Variants in DNAH5 observed in about 807,000 individuals in gnomAD.
DNAH5 encodes the protein dynein axonemal heavy chain 5.
Under a neutral mutation model 518.2 loss-of-function variants are expected in DNAH5, and 372 were observed. That is an observed-to-expected ratio of 0.72 (90% CI 0.66 to 0.78). The LOEUF is 0.78. Ranked by LOEUF, DNAH5 falls within the 30% of genes least tolerant of loss-of-function variation. The probability of loss-of-function intolerance (pLI) is 0.00; values close to 1 mark genes in which losing one functional copy is unlikely to be tolerated. For missense variants in DNAH5, 5,523 were observed against 5,687.0 expected (o/e 0.97, Z 0.93); for synonymous variants, 2,039 against 2,025.9 (o/e 1.01, Z -0.17).
chr5:13,845,269 A>C (rs755342104), intron 31 of DNAH5, among the ~76,000 whole-genome samples: 4 of 152,070 alleles, frequency 2.6e-5, no homozygotes, highest in Non-Finnish European at 4.4e-5. Context: ...ACAGTCTGGA[A>C]AATCTTGTAT....
In DNAH5 at chr5:13,829,697, C is replaced by G; in HGVS notation, c.6257G>C (p.Gly2086Ala). ...AGGGAGTTCCTGCCGTCCGGCATAG[C>G]CAGGATTCTAAACAGAAAATAAAGC... ...EFGLFLTMNPGYAGRQELPEN... is the reference protein window; with the variant it reads ...EFGLFLTMNPAYAGRQELPEN... The change falls in exon 38 of 79, where the codon GGC becomes GCC. Residue 2086 changes from glycine (G) to alanine (A), a missense_variant. Physicochemically the swap from Gly to Ala is moderately conservative, Grantham distance 60 (BLOSUM62 0). Coordinates refer to ENST00000265104, the MANE Select transcript of DNAH5 (RefSeq NM_001369.3). 6.2e-7 allele frequency: 1 copy of G among 1,613,990 alleles called. No individual in the cohort carries two copies. Among genetic ancestry groups the G allele is most frequent in the Non-Finnish European group, 8.5e-7 (1 of 1,179,882 alleles).
chr5:13,869,748 A>G (rs1769805175), intron 24 of DNAH5, among the ~76,000 whole-genome samples: 1 of 152,252 alleles, frequency 6.6e-6, no homozygotes, highest in South Asian at 2.1e-4. Context: ...TGTTTTATAC[A>G]ATCGTTTTGT....
chr5:13,977,892 CAG>C (rs767127834), intron 1 of DNAH5, among the ~76,000 whole-genome samples: 30 of 152,156 alleles, frequency 2.0e-4, no homozygotes, highest in Non-Finnish European at 3.8e-4. Flanking sequence ...GAGTCTCAAA[CAG>C]GGGAGAATCA....
chr5:13,721,446 C>G (rs941730724), intron 70 of DNAH5, among the ~76,000 whole-genome samples: 3 of 152,004 alleles, frequency 2.0e-5, no homozygotes, highest in African/African-American at 7.3e-5. Context: ...TGTTGCTTAC[C>G]CAGTACAAAA....
intron 1 of DNAH5, among the ~76,000 whole-genome samples, chr5:13,957,187 T>A (rs529015452): frequency 6.6e-6 from 1 of 152,290 alleles, no homozygotes; most frequent in South Asian, 2.1e-4. Flanking sequence ...AAGCACAATA[T>A]GCTAAACAAA....
At chr5:13,978,130 A>G (rs989985082) in intron 1 of DNAH5, among the ~76,000 whole-genome samples, 7 of 152,190 alleles carry the variant, frequency 4.6e-5, no homozygotes, top group African/African-American at 1.7e-4. Context: ...CTGTGGCTTC[A>G]AGCTTGTAAC....
intron 35 of DNAH5, among the ~76,000 whole-genome samples, chr5:13,838,170 T>C (rs904968538): frequency 6.6e-6 from 1 of 152,238 alleles, no homozygotes; most frequent in Non-Finnish European, 1.5e-5. Context: ...TACAATGTAG[T>C]TGATATTACA....
At chr5:13,974,965 T>C (rs1782136717) in intron 1 of DNAH5, among the ~76,000 whole-genome samples, 1 of 151,992 alleles carries the variant, frequency 6.6e-6, no homozygotes, top group South Asian at 2.1e-4. Flanking sequence ...CTGGGGAGTA[T>C]TGATGAGGCA....
intron 30 of DNAH5, among the ~76,000 whole-genome samples, chr5:13,852,279 T>A (rs1766985592): frequency 6.6e-6 from 1 of 152,144 alleles, no homozygotes; most frequent in African/African-American, 2.4e-5. Context: ...GCGATTCTCC[T>A]GCCTCAGCCT....
chr5:13,871,747 C>G lies in DNAH5; in HGVS notation c.3415G>C (p.Asp1139His), dbSNP rs1554085372. The part of the protein sequence containing the change: ...STKKEVITSM[D>H]CFKRYNHIWQ... ...ATGTGATTGTAGCGTTTGAAGCAATCCATGGATGTAATAACTTCCTGAATG... is the reference window on the plus strand; with the variant it reads ...ATGTGATTGTAGCGTTTGAAGCAATGCATGGATGTAATAACTTCCTGAATG... The change falls in exon 23 of 79, where the codon GAT becomes CAT. Residue 1139 changes from aspartate (D) to histidine (H), a missense_variant. Asp to His is a moderately conservative substitution (Grantham distance 81). This residue lies in a region of DNAH5 where 5,121 missense variants were observed against 5,223.3 expected (regional missense o/e 0.98). Transcript: ENST00000265104. 1.2e-6 allele frequency: 2 copies of G among 1,613,542 alleles called. No individual in the cohort carries two copies. The highest frequency in any genetic ancestry group is 2.2e-5 in the East Asian group (1 of 44,850).
Position 13,707,989 on chromosome 5 carries a change from A to G in DNAH5, c.13338+134T>C. 9.6e-7 allele frequency: 1 copy of G among 1,046,378 alleles called. No individual in the cohort carries two copies. Among genetic ancestry groups the G allele is most frequent in the Non-Finnish European group, 1.5e-6 (1 of 679,650 alleles). 64.8% of individuals were successfully genotyped at this position (1,046,378 alleles called of 1,614,324 possible). Reference sequence around the variant, plus strand: ...TTCCCTACCTATGGTCTAAAAATACAGGGCTACAGGGGGCTTCGTCCCTGT... The same window carrying G: ...TTCCCTACCTATGGTCTAAAAATACGGGGCTACAGGGGGCTTCGTCCCTGT... On this transcript the variant is annotated intron_variant, in intron 76 of 78. Coordinates refer to ENST00000265104, the MANE Select transcript of DNAH5 (RefSeq NM_001369.3). This position sits in a 1 kb window ranked among gnomAD's most constrained non-coding sequence, Gnocchi z 4.0.
chr5:13,895,888 G>A (rs1331525030), intron 15 of DNAH5, among the ~76,000 whole-genome samples: 1 of 151,958 alleles, frequency 6.6e-6, no homozygotes, highest in Non-Finnish European at 1.5e-5. Context: ...TATCCTTCCA[G>A]TCCACAGGTC....
Position 13,923,446 on chromosome 5 carries a change from A to G in DNAH5, c.278-6T>C. 1 of 1,614,022 alleles carries G rather than the reference A, an allele frequency of 6.2e-7. No individual in the cohort carries two copies. The highest frequency in any genetic ancestry group is 8.5e-7 in the Non-Finnish European group (1 of 1,179,972). On this transcript the variant is annotated splice_region_variant and splice_polypyrimidine_tract_variant and intron_variant, in intron 3 of 78. Transcript: ENST00000265104. ...TCCTAGAGAGCCAAGTTGTCCTACA[A>G]AAGCAAAATAATTTTAGTTTCACAA...
At chr5:13,812,960 A>G (rs772246818) in intron 43 of DNAH5, among the ~76,000 whole-genome samples, 70 of 152,210 alleles carry the variant, frequency 4.6e-4, no homozygotes, top group Admixed American at 3.3e-3. Context: ...AAAACATAAC[A>G]TAGCACTTTT....
At chr5:13,985,172 G>A (rs937871794) in intron 1 of DNAH5, among the ~76,000 whole-genome samples, 3 of 150,648 alleles carry the variant, frequency 2.0e-5, no homozygotes, top group African/African-American at 2.4e-5. Context: ...GCAAACTATC[G>A]CAAGGACAAA....
chr5:13,792,252 C>T lies in DNAH5; in HGVS notation c.8225-35G>A, dbSNP rs777552172. ...GGGAAATTACAGCATTTTGATTAGC[C>T]ATTCAAAGAAATTAAATGAAAATGA... On this transcript the variant is annotated intron_variant, in intron 49 of 78. Coordinates refer to ENST00000265104, the MANE Select transcript of DNAH5 (RefSeq NM_001369.3). The T allele has an allele frequency of 3.6e-5, 56 of 1,558,452 alleles. No homozygotes were observed. In the Middle Eastern group the frequency reaches 5.0e-4, roughly 14 times the overall value.
intron 55 of DNAH5, among the ~76,000 whole-genome samples, chr5:13,771,446 T>G (rs1209264254): frequency 6.6e-6 from 1 of 152,214 alleles, no homozygotes; most frequent in African/African-American, 2.4e-5. Flanking sequence ...ATCACTAAAT[T>G]TTTTTATGCT....
At chr5:13,716,239 C>T (rs761762714) in intron 74 of DNAH5, among the ~76,000 whole-genome samples, 5 of 152,252 alleles carry the variant, frequency 3.3e-5, no homozygotes, top group South Asian at 2.1e-4. Context: ...AAGAAAATTC[C>T]TCCCTGGGGC....
rs1167219863 is a variant in DNAH5 at position 13,792,089 on chromosome 5, G to A, written c.8353C>T (p.Pro2785Ser). 6.2e-6 allele frequency: 10 copies of A among 1,613,852 alleles called. No individual in the cohort carries two copies. The highest frequency in any genetic ancestry group is 2.7e-5 in the African/African-American group (2 of 74,898). ...TTAAACACATAATGGAATTTTGCAG[G>A]GGTAGGAAGCATTTTAATCTTGGTC... ...QMTKIKMLPT[P>S]AKFHYVFNLR... is the part of the protein sequence containing the mutation. The change falls in exon 50 of 79, where the codon CCT becomes TCT. Residue 2785 changes from proline to serine, a missense_variant. Coordinates refer to ENST00000265104, the MANE Select transcript of DNAH5 (RefSeq NM_001369.3).
Sources: gnomAD v4.1 joint callset for allele counts (sites outside exome capture counted in the v4.1 genomes callset) on GRCh38, gnomAD v4.1.1 for gene constraint, gnomAD v4.1.1 regional missense constraint, Gnocchi (gnomAD v3.1) non-coding constraint, MANE v1.5 for transcripts, NCBI Gene and HGNC (gene_info 2026-07-23, HGNC 2026-07-21) for gene names.